The following SHC1 variants were observed in gnomAD, a reference collection of about 807,000 sequenced individuals.
SHC1 encodes the protein SHC-transforming protein 1.
Under a neutral mutation model 55.9 loss-of-function variants are expected in SHC1, and 30 were observed. The ratio of observed to expected loss-of-function variants is 0.54; its 90% CI spans 0.40 to 0.73. The LOEUF (loss-of-function observed/expected upper bound fraction) is 0.73. Among genes scored for constraint, SHC1 ranks in the 30% least tolerant of loss-of-function variants. The pLI is 0.00. For synonymous variants in SHC1, 309 were observed against 306.1 expected (o/e 1.01, Z -0.10); for missense variants, 675 against 777.1 (o/e 0.87, Z 1.56).
chr1:154,966,256 A>G, intron 8 of SHC1, 25 bp from the exon 9 acceptor site: 1 of 1,612,902 alleles, frequency 6.2e-7, no homozygotes, highest in Non-Finnish European at 8.5e-7. Context: ...ATAAGGTGAG[A>G]CCAGAAGCCC....
chr1:154,970,270 C>T lies in SHC1; in HGVS notation c.257G>A (p.Arg86Lys), dbSNP rs369421765. 1 of 1,609,592 alleles carries T rather than the reference C, an allele frequency of 6.2e-7. No homozygotes were observed. The highest frequency in any genetic ancestry group is 1.3e-5 in the African/African-American group (1 of 74,886). Residue 86 changes from arginine to lysine, a missense_variant, in exon 1 of 12, where the codon AGG becomes AAG. By Grantham distance (26) the Arg-to-Lys change is conservative. Transcript: ENST00000448116. This position sits in a 1 kb window ranked among gnomAD's most constrained non-coding sequence, Gnocchi z 5.5. ...GATCCCCTCCCCATCATCAGCTGCC[C>T]TTCCTGGCTCCCCCTTAGACCCTGG... The part of the protein sequence containing the change: ...GRPGSKGEPG[R>K]AADDGEGIVG...
Position 154,968,014 on chromosome 1 carries a change from G to C in SHC1, c.822C>G (p.Val274=). 1 of 1,614,126 alleles carries C rather than the reference G, an allele frequency of 6.2e-7. No individual in the cohort carries two copies. The highest frequency in any genetic ancestry group is 8.5e-7 in the Non-Finnish European group (1 of 1,180,016). The change falls in exon 6 of 12, where the codon GTC becomes GTG. Residue 274 remains valine, a synonymous_variant. Coordinates refer to ENST00000448116, the MANE Select transcript of SHC1 (RefSeq NM_001130040.2). ...SGGDPDTAEY[V]AYVAKDPVNQ... is the part of the protein sequence containing the mutation. ...TCACAGGGTCTTTGGCAACATAGGC[G>C]ACATACTCGGCTGTGTCCTGGGGAG...
upstream of SHC1, among the ~76,000 whole-genome samples, chr1:154,972,877 G>C (rs1022007899): frequency 2.6e-5 from 4 of 151,750 alleles, no homozygotes; most frequent in African/African-American, 9.7e-5. Flanking sequence ...GTTAGGGGGA[G>C]GGGAAGAGAC....
At chr1:154,973,841 G>C (rs973352831), upstream of SHC1, among the ~76,000 whole-genome samples, 38 of 152,194 alleles carry the variant, frequency 2.5e-4, no homozygotes, top group African/African-American at 8.9e-4. Context: ...TACGGAGGGG[G>C]CGTGGCTTCG....
chr1:154,970,123 G>A lies in SHC1; in HGVS notation c.404C>T (p.Thr135Ile), dbSNP rs749725521. 12 of 1,613,464 alleles carry A rather than the reference G, an allele frequency of 7.4e-6. No individual in the cohort carries two copies. The highest frequency in any genetic ancestry group is 1.0e-5 in the Non-Finnish European group (12 of 1,179,916). ...EGGQLGGEEW[T>I]RHGSFVNKPT... Reference sequence around the variant, plus strand: ...CTTATTGACAAAGCTCCCGTGGCGGGTCCACTCCTCGCCCCCAAGCTGGCC... The same window carrying A: ...CTTATTGACAAAGCTCCCGTGGCGGATCCACTCCTCGCCCCCAAGCTGGCC... Residue 135 changes from threonine (T) to isoleucine (I), a missense_variant, in exon 1 of 12, where the codon ACC becomes ATC. Thr to Ile is a moderately conservative substitution (Grantham distance 89). This residue lies in a region of SHC1 where 159 missense variants were observed against 246.9 expected (regional missense o/e 0.64). Coordinates refer to ENST00000448116, the MANE Select transcript of SHC1 (RefSeq NM_001130040.2). The surrounding 1 kb of genome is among the most constrained non-coding windows in gnomAD (Gnocchi z 5.5).
rs1656522016 is a variant in SHC1 at position 154,969,884 on chromosome 1, G to C, written c.495+148C>G. Reference sequence around the variant, plus strand: ...CTGGAAGGGAAGGGGCTACAGAATCGGGGAAGGGATGAGAAAGGTTTAGGA... The same window carrying C: ...CTGGAAGGGAAGGGGCTACAGAATCCGGGAAGGGATGAGAAAGGTTTAGGA... On this transcript the variant is annotated intron_variant, in intron 1 of 11. Transcript: ENST00000448116. 6.7e-6 allele frequency: 6 copies of C among 901,372 alleles called. 1 individual carries two copies. The highest frequency in any genetic ancestry group is 2.2e-5 in the Admixed American group (1 of 46,480). 55.8% of individuals were successfully genotyped at this position (901,372 alleles called of 1,614,324 possible). A position where few individuals can be genotyped will look rare whatever the true frequency, so the allele number is the denominator to read the frequency against.
At position 154,970,162 on chromosome 1, in the gene SHC1, GTCCTGCGCCCGCCGCC is replaced by G; in HGVS notation, c.349_364del (p.Gly117LeufsTer104). The G allele has an allele frequency of 6.2e-7, 1 of 1,613,492 alleles. No homozygotes were observed. The highest frequency in any genetic ancestry group is 8.5e-7 in the Non-Finnish European group (1 of 1,179,898). On this transcript the variant is annotated frameshift_variant, in exon 1 of 12. Coordinates refer to ENST00000448116, the MANE Select transcript of SHC1 (RefSeq NM_001130040.2). LOFTEE classifies it high-confidence loss of function. This position sits in a 1 kb window ranked among gnomAD's most constrained non-coding sequence, Gnocchi z 5.5. ...CCCAAGCTGGCCCCCTTCCACCCGAGTCCTGCGCCCGCCGCCTCCACTCAGCTTGTTCATGTCCTGG... is the reference window on the plus strand; with the variant it reads ...CCCAAGCTGGCCCCCTTCCACCCGAGTCCACTCAGCTTGTTCATGTCCTGG...
In SHC1 at chr1:154,962,346, A is replaced by C. The variant is rs1655426383; in HGVS notation, c.*1457T>G. On this transcript the variant is annotated 3_prime_UTR_variant, in exon 12 of 12. Coordinates refer to ENST00000448116, the MANE Select transcript of SHC1 (RefSeq NM_001130040.2). ...AAGAGTTTTCCCTTTGGTATAAGTG[A>C]GACCCGTGGAAACATCCAAACAGCA... is the stretch of plus-strand genomic sequence containing the variant. 1 of 152,810 alleles carries C rather than the reference A, an allele frequency of 6.5e-6. No homozygotes were observed. The highest frequency in any genetic ancestry group is 1.5e-5 in the Non-Finnish European group (1 of 68,060). The allele number at this position is 152,810 out of a possible 1,614,324, so 9.5% of individuals were successfully genotyped here.
In SHC1 at chr1:154,962,366, A is replaced by G. The variant is rs1351747366; in HGVS notation, c.*1437T>C. The stretch of plus-strand genomic sequence containing the variant: ...AAGTGAGACCCGTGGAAACATCCAA[A>G]CAGCAAAAGGAGGCCAGGATGAAAA... On this transcript the variant is annotated 3_prime_UTR_variant, in exon 12 of 12. Transcript: ENST00000448116. 1 of 152,802 alleles carries G rather than the reference A, an allele frequency of 6.5e-6. No individual in the cohort carries two copies. The highest frequency in any genetic ancestry group is 2.4e-5 in the African/African-American group (1 of 41,448). The allele number at this position is 152,802 out of a possible 1,614,324, so 9.5% of individuals were successfully genotyped here. A position where few individuals can be genotyped will look rare whatever the true frequency, so the allele number is the denominator to read the frequency against.
chr1:154,963,824 T>C lies in SHC1; in HGVS notation c.1734A>G (p.Gln578=), dbSNP rs1161331017. Residue 578 remains glutamine (Q), a synonymous_variant, in exon 12 of 12, where the codon CAA becomes CAG. Coordinates refer to ENST00000448116, the MANE Select transcript of SHC1 (RefSeq NM_001130040.2). ...ISAGSELCLQ[Q]PVERKL Reference sequence around the variant, plus strand: ...CAGATCACAGTTTCCGCTCCACAGGTTGCTGTAGACACAGTTCGCTGCCCG... The same window carrying C: ...CAGATCACAGTTTCCGCTCCACAGGCTGCTGTAGACACAGTTCGCTGCCCG... The C allele has an allele frequency of 6.2e-7, 1 of 1,614,046 alleles. No homozygotes were observed. The highest frequency in any genetic ancestry group is 1.3e-5 in the African/African-American group (1 of 75,036).
chr1:154,973,796 G>T (rs932272778), upstream of SHC1, among the ~76,000 whole-genome samples: 1 of 152,218 alleles, frequency 6.6e-6, no homozygotes, highest in Admixed American at 6.5e-5. Flanking sequence ...TCAGACTTCT[G>T]GGCGGGGAGG....
intron 1 of SHC1, among the ~76,000 whole-genome samples, 190 bp downstream of exon 1, chr1:154,969,842 A>C: frequency 7.2e-6 from 1 of 139,674 alleles, no homozygotes; most frequent in Admixed American, 7.2e-5. Context: ...AAAAGAAGGA[A>C]GGGGGCCCAG....
chr1:154,964,666 A>G (rs2102032498), intron 11 of SHC1, among the ~76,000 whole-genome samples: 1 of 152,138 alleles, frequency 6.6e-6, no homozygotes, highest in Non-Finnish European at 1.5e-5. Flanking sequence ...AGGTCTCGCT[A>G]TGTTGCCCAG....
chr1:154,966,539 C>G (rs374333291), intron 7 of SHC1, 22 bp from the exon 8 acceptor site: 1 of 1,521,734 alleles, frequency 6.6e-7, no homozygotes. Context: ...GACAGTGAAG[C>G]TGTGGCTGTA....
upstream of SHC1, chr1:154,974,304 C>A (rs11811223): frequency 2.7e-5 from 7 of 262,582 alleles, no homozygotes; most frequent in African/African-American, 1.6e-4. Context: ...CCGGATCACG[C>A]CACTGCCAGC....
At chr1:154,966,751 A>G (rs1656037165) in intron 7 of SHC1, among the ~76,000 whole-genome samples, 1 of 152,204 alleles carries the variant, frequency 6.6e-6, no homozygotes, top group Non-Finnish European at 1.5e-5. Context: ...AGATCTGCCC[A>G]AGGTCTCACA....
At chr1:154,973,569 A>G (rs1571463724), upstream of SHC1, 2 of 152,102 alleles carry the variant, frequency 1.3e-5, no homozygotes, top group South Asian at 4.1e-4. Flanking sequence ...GCTGCCTTTA[A>G]TCTCACTCCT....
chr1:154,965,495 T>C (rs756332623), intron 11 of SHC1, 48 bp downstream of exon 11: 5 of 1,614,074 alleles, frequency 3.1e-6, no homozygotes, highest in Non-Finnish European at 4.2e-6. Context: ...TGTAGGGTAC[T>C]GTACCTTCCT....
intron 5 of SHC1, 86 bp from the exon 6 acceptor site, chr1:154,968,117 T>G: frequency 6.3e-7 from 1 of 1,581,524 alleles, no homozygotes. Flanking sequence ...CCCACAATCC[T>G]AGCACCCCCA....
Sources: allele counts gnomAD v4.1 joint callset (sites outside exome capture counted in the v4.1 genomes callset), GRCh38; gene constraint gnomAD v4.1.1; regional missense constraint gnomAD v4.1.1; non-coding constraint Gnocchi (gnomAD v3.1); transcripts MANE v1.5; gene names NCBI Gene and HGNC (gene_info 2026-07-23, HGNC 2026-07-21).